The following GCNT2 variants were observed in gnomAD, a reference collection of about 807,000 sequenced individuals.
GCNT2 encodes glucosaminyl (N-acetyl) transferase 2 (I blood group), also known as N-acetyllactosaminide beta-1,6-N-acetylglucosaminyl-transferase.
In GCNT2, 34 loss-of-function variants were observed where a neutral mutation model predicts 34.2. The observed-to-expected ratio is 1.00, with a 90% CI of 0.76 to 1.32. GCNT2 has a LOEUF of 1.32. Ranked by LOEUF, GCNT2 falls within the 40% of genes most tolerant of loss-of-function variation. The pLI is 0.00. For missense variants in GCNT2, 584 were observed against 489.4 expected, an observed-to-expected ratio of 1.19 and a Z score of -1.82; for synonymous variants, 212 against 188.0, an observed-to-expected ratio of 1.13 and a Z score of -1.04.
chr6:10,572,280 T>A (rs1258739051), intron 3 of GCNT2, among the ~76,000 whole-genome samples: 5 of 152,176 alleles, frequency 3.3e-5, no homozygotes, highest in Admixed American at 2.0e-4. Context: ...TTTATGTAGG[T>A]TACAACATAT....
chr6:10,543,279 C>T (rs528129759), intron 3 of GCNT2, among the ~76,000 whole-genome samples: 2 of 152,006 alleles, frequency 1.3e-5, no homozygotes, highest in Admixed American at 1.3e-4. Context: ...TCTCAGCTCA[C>T]TGCAACCTCT....
chr6:10,612,871 A>C (rs1158406279), intron 3 of GCNT2, among the ~76,000 whole-genome samples: 1 of 152,194 alleles, frequency 6.6e-6, no homozygotes, highest in East Asian at 1.9e-4. Context: ...TCCCTTCCGT[A>C]GCTTATTTTG....
At chr6:10,549,563 C>CTTTTTTTT (rs33909973) in intron 3 of GCNT2, among the ~76,000 whole-genome samples, 3 of 104,296 alleles carry the variant, frequency 2.9e-5, no homozygotes, top group African/African-American at 4.3e-5. Context: ...ATCTCTCTCT[C>CTTTTTTTT]TTTTTTTTTT....
At chr6:10,540,022 G>A (rs890156320) in intron 3 of GCNT2, among the ~76,000 whole-genome samples, 1 of 152,048 alleles carries the variant, frequency 6.6e-6, no homozygotes, top group African/African-American at 2.4e-5. Flanking sequence ...GGGCTACAGT[G>A]AGGGGTGGTC....
intron 3 of GCNT2, among the ~76,000 whole-genome samples, chr6:10,538,494 T>C (rs1393524842): frequency 6.7e-6 from 1 of 148,528 alleles, no homozygotes; most frequent in Admixed American, 6.7e-5. Context: ...TCTGTATTCT[T>C]TCCTGAATTT....
chr6:10,603,439 C>T (rs913481649), intron 3 of GCNT2, among the ~76,000 whole-genome samples: 1 of 152,218 alleles, frequency 6.6e-6, no homozygotes, highest in Non-Finnish European at 1.5e-5. Context: ...AGAGGCACTG[C>T]GCACCACACA....
chr6:10,565,763 A>G (rs556390795), intron 3 of GCNT2, among the ~76,000 whole-genome samples: 1 of 151,988 alleles, frequency 6.6e-6, no homozygotes, highest in African/African-American at 2.4e-5. Context: ...CTCCCCCGTG[A>G]CACGTTCCAC....
intron 3 of GCNT2, among the ~76,000 whole-genome samples, chr6:10,552,316 A>T (rs866522707): frequency 6.8e-6 from 1 of 147,182 alleles, no homozygotes; most frequent in Non-Finnish European, 1.5e-5. Context: ...AAAAAAAAAA[A>T]TTTACAAACC....
At chr6:10,574,646 C>G (rs1281161534) in intron 3 of GCNT2, 2 of 284,616 alleles carry the variant, frequency 7.0e-6, no homozygotes, top group African/African-American at 2.2e-5. Context: ...AGACCATGGG[C>G]TAAATCTGCC....
intron 3 of GCNT2, among the ~76,000 whole-genome samples, chr6:10,549,238 G>T (rs771890684): frequency 6.6e-6 from 1 of 152,178 alleles, no homozygotes; most frequent in Non-Finnish European, 1.5e-5. Context: ...CCCACGCTGA[G>T]AAACCCTGCT....
intron 3 of GCNT2, among the ~76,000 whole-genome samples, chr6:10,601,939 T>TTAAAAAAAAA (rs1561830857): frequency 2.6e-5 from 2 of 76,350 alleles, no homozygotes; most frequent in African/African-American, 7.6e-5. Flanking sequence ...AGACTCCATC[T>TTAAAAAAAAA]CAAGAAAAAA....
intron 3 of GCNT2, among the ~76,000 whole-genome samples, chr6:10,537,714 AAAAAAAAAAAAACAAAAC>A (rs1761832764): frequency 1.0e-5 from 1 of 99,316 alleles, no homozygotes; most frequent in African/African-American, 3.1e-5. Flanking sequence ...AAAAAAAAAA[AAAAAAAAAAAAACAAAAC>A]AAAGAAAACG....
At chr6:10,609,841 G>C (rs1425369060) in intron 3 of GCNT2, among the ~76,000 whole-genome samples, 1 of 152,314 alleles carries the variant, frequency 6.6e-6, no homozygotes, top group Middle Eastern at 3.4e-3. Context: ...TTCTGGTAAG[G>C]GTGGTAAGAG....
chr6:10,557,299 C>G (rs1231685923), intron 3 of GCNT2: 1 of 1,613,876 alleles, frequency 6.2e-7, no homozygotes, highest in Admixed American at 1.7e-5. Flanking sequence ...AGGACACTTT[C>G]AGTCCTGATG....
rs1006077936 is a variant in GCNT2, at chr6:10,578,911, G to A, written c.926-42440G>A. Among the ~76,000 whole-genome samples, 44 of 152,242 alleles carry A rather than the reference G, an allele frequency of 2.9e-4. 1 individual carries two copies. Among genetic ancestry groups the A allele is most frequent in the African/African-American group, 9.9e-4 (41 of 41,532 alleles). ...CCACATTGAGGAACTGGGAGGAGGC[G>A]GAGAACTGGAAACTGTGTTAAGTAG... On this transcript the variant is annotated intron_variant, in intron 3 of 4. Coordinates refer to ENST00000495262, the MANE Select transcript of GCNT2 (RefSeq NM_145649.5).
At chr6:10,579,381 C>G (rs894296339) in intron 3 of GCNT2, among the ~76,000 whole-genome samples, 1 of 152,172 alleles carries the variant, frequency 6.6e-6, no homozygotes, top group Admixed American at 6.5e-5. Flanking sequence ...TAATCCATTT[C>G]TATTTGTTTC....
chr6:10,621,208 A>T (rs1476425345), intron 3 of GCNT2, 143 bp from the exon 4 acceptor site: 1 of 682,240 alleles, frequency 1.5e-6, no homozygotes, highest in Non-Finnish European at 2.7e-6. Context: ...GAAGATGGGT[A>T]GATCAGTACA....
chr6:10,626,658 A>G lies in GCNT2; in HGVS notation c.*51A>G. ...AAGGGAAACTGCAGCTGGGAAGAGG[A>G]GCCTGTTTTTGTGAGAGACTTTTGC... On this transcript the variant is annotated 3_prime_UTR_variant, in exon 5 of 5. Coordinates refer to ENST00000495262, the MANE Select transcript of GCNT2 (RefSeq NM_145649.5). The G allele has an allele frequency of 7.1e-7, 1 of 1,404,492 alleles. No individual in the cohort carries two copies. Among genetic ancestry groups the G allele is most frequent in the South Asian group, 1.2e-5 (1 of 86,726 alleles). The allele number at this position is 1,404,492 out of a possible 1,614,324, so 87.0% of individuals were successfully genotyped here.
chr6:10,557,660 A>T (rs575820850), intron 3 of GCNT2, among the ~76,000 whole-genome samples: 24 of 151,796 alleles, frequency 1.6e-4, no homozygotes, highest in Admixed American at 3.3e-4. Context: ...GCTAATTTTT[A>T]AAAAAAATTT....
Sources: allele counts gnomAD v4.1 joint callset (sites outside exome capture counted in the v4.1 genomes callset), GRCh38; gene constraint gnomAD v4.1.1; transcripts MANE v1.5; gene names NCBI Gene and HGNC (gene_info 2026-07-23, HGNC 2026-07-21).